RSF1: variants seen among roughly 807,000 people sequenced by gnomAD.
RSF1 encodes remodeling and spacing factor 1.
RSF1 carries 13 observed loss-of-function variants against 145.2 expected under a neutral mutation model. The ratio of observed to expected loss-of-function variants is 0.09; its 90% CI spans 0.06 to 0.14. RSF1 has a LOEUF of 0.14. Among genes scored for constraint, RSF1 ranks in the 10% least tolerant of loss-of-function variants. The pLI is 1.00. For missense variants in RSF1, 1,517 were observed against 1,718.2 expected, an observed-to-expected ratio of 0.88 and a Z score of 2.07; for synonymous variants, 577 against 592.6, an observed-to-expected ratio of 0.97 and a Z score of 0.38.
intron 4 of RSF1, among the ~76,000 whole-genome samples, chr11:77,738,163 A>G (rs543152198): frequency 6.6e-6 from 1 of 152,300 alleles, no homozygotes; most frequent in Non-Finnish European, 1.5e-5. Flanking sequence ...CGAATAGTTA[A>G]AAAGGTGGAA....
At chr11:77,754,209 G>A (rs751482073) in intron 2 of RSF1, among the ~76,000 whole-genome samples, 3 of 152,034 alleles carry the variant, frequency 2.0e-5, no homozygotes, top group Non-Finnish European at 4.4e-5. Flanking sequence ...AAAATATCAA[G>A]CACTAAAAAT....
chr11:77,812,625 C>G (rs1948741875), intron 1 of RSF1, among the ~76,000 whole-genome samples: 3 of 152,150 alleles, frequency 2.0e-5, no homozygotes, highest in African/African-American at 7.2e-5. Flanking sequence ...GTGGCTCATG[C>G]CTGTAATCCC....
chr11:77,703,643 T>C (rs1960475537), intron 5 of RSF1: 1 of 152,182 alleles, frequency 6.6e-6, no homozygotes, highest in South Asian at 2.1e-4. Context: ...TACAATGATG[T>C]TGCAAATAAA....
intron 15 of RSF1, among the ~76,000 whole-genome samples, chr11:77,669,581 T>C (rs960023931): frequency 1.3e-5 from 2 of 152,216 alleles, no homozygotes; most frequent in Non-Finnish European, 2.9e-5. Context: ...AAAATAAAAA[T>C]TCAGTTCCAT....
At chr11:77,697,487 A>C (rs1217474251) in intron 7 of RSF1, among the ~76,000 whole-genome samples, 1 of 14,740 alleles carries the variant, frequency 6.8e-5, no homozygotes, top group Admixed American at 6.6e-4. Context: ...TATAATATAT[A>C]ATATATATAA....
upstream of RSF1, among the ~76,000 whole-genome samples, chr11:77,824,363 C>T (rs557511562): frequency 6.6e-6 from 1 of 152,274 alleles, no homozygotes; most frequent in South Asian, 2.1e-4. Context: ...CATTAAGTTA[C>T]ACTTGGTTCA....
At chr11:77,748,460 T>C (rs930104404) in intron 2 of RSF1, among the ~76,000 whole-genome samples, 8 of 151,910 alleles carry the variant, frequency 5.3e-5, no homozygotes, top group African/African-American at 1.9e-4. Context: ...GTTTAAAGAC[T>C]CACAGGAAGC....
At chr11:77,675,015 A>G (rs1196729436) in intron 14 of RSF1, 21 bp downstream of exon 14, 25 of 1,552,746 alleles carry the variant, frequency 1.6e-5, no homozygotes, top group Non-Finnish European at 1.8e-5. Flanking sequence ...GAGCTACCAT[A>G]TGGTTACAGA....
chr11:77,748,094 C>CT (rs1296287176), intron 2 of RSF1, among the ~76,000 whole-genome samples: 1 of 152,010 alleles, frequency 6.6e-6, no homozygotes, highest in African/African-American at 2.4e-5. Flanking sequence ...TTTTCCTAGC[C>CT]TGCACTAGTG....
chr11:77,697,782 G>A (rs945761318), intron 7 of RSF1, among the ~76,000 whole-genome samples: 4 of 151,678 alleles, frequency 2.6e-5, no homozygotes, highest in African/African-American at 7.3e-5. Context: ...GGCATCTAAT[G>A]TGTAATAATC....
chr11:77,698,374 C>A, intron 7 of RSF1, 113 bp downstream of exon 7: 1 of 852,712 alleles, frequency 1.2e-6, no homozygotes, highest in East Asian at 2.4e-5. Context: ...CTGTAGCATA[C>A]AAGTTATCAT....
chr11:77,783,906 C>T (rs1948429427), intron 1 of RSF1, among the ~76,000 whole-genome samples: 1 of 152,096 alleles, frequency 6.6e-6, no homozygotes, highest in African/African-American at 2.4e-5. Context: ...CTTTGTTCCT[C>T]TGTATATAAT....
the RSF1 span, among the ~76,000 whole-genome samples, chr11:77,827,055 A>C: frequency 6.6e-6 from 1 of 152,074 alleles, no homozygotes; most frequent in Non-Finnish European, 1.5e-5. Flanking sequence ...CAGTGAGCTG[A>C]GATGGGGCCA....
chr11:77,781,963 A>G (rs1445122450), intron 1 of RSF1, among the ~76,000 whole-genome samples: 1 of 152,172 alleles, frequency 6.6e-6, no homozygotes, highest in African/African-American at 2.4e-5. Flanking sequence ...TATAGTCATT[A>G]GTCTTTGCAT....
At chr11:77,768,792 T>C (rs560019543) in intron 1 of RSF1, among the ~76,000 whole-genome samples, 64 of 152,364 alleles carry the variant, frequency 4.2e-4, no homozygotes, top group African/African-American at 1.3e-3. Context: ...ATCAACATTA[T>C]AGTTTATTAA....
intron 4 of RSF1, among the ~76,000 whole-genome samples, chr11:77,727,579 C>T (rs766655652): frequency 3.4e-5 from 5 of 147,924 alleles, no homozygotes; most frequent in African/African-American, 1.3e-4. Context: ...TGGGTTCAAG[C>T]GATTTTCCTG....
At chr11:77,711,803 T>C (rs1219825287) in intron 5 of RSF1, among the ~76,000 whole-genome samples, 1 of 152,148 alleles carries the variant, frequency 6.6e-6, no homozygotes, top group East Asian at 1.9e-4. Context: ...TAAACAGATT[T>C]TATTCAAATT....
At position 77,765,257 on chromosome 11, in the gene RSF1, G is replaced by A. The variant is rs562161928; in HGVS notation, c.188-568C>T. 2.7e-4 allele frequency among the ~76,000 whole-genome samples: 41 copies of A among 152,278 alleles called. No homozygotes were observed. The South Asian group carries it at 5.4e-3, about 20-fold the overall frequency. On this transcript the variant is annotated intron_variant, in intron 1 of 15. Transcript: ENST00000308488. The stretch of plus-strand genomic sequence containing the variant: ...TCAAAGACATACATTCATAGAATTA[G>A]AAAGGAACCAAGAAGTATGAATTCC...
chr11:77,685,615 A>G (rs1028434944), intron 9 of RSF1, among the ~76,000 whole-genome samples: 60 of 152,204 alleles, frequency 3.9e-4, no homozygotes, highest in African/African-American at 1.4e-3. Flanking sequence ...ATTAAGTATA[A>G]AACTTTAATA....
Sources: gnomAD v4.1 joint callset for allele counts (sites outside exome capture counted in the v4.1 genomes callset) on GRCh38, gnomAD v4.1.1 for gene constraint, MANE v1.5 for transcripts, NCBI Gene and HGNC (gene_info 2026-07-23, HGNC 2026-07-21) for gene names.